Variants in ARFGEF1 observed in about 807,000 individuals in gnomAD.
The protein encoded by ARFGEF1 is ARF guanine nucleotide exchange factor 1, also known as brefeldin A-inhibited guanine nucleotide-exchange protein 1.
ARFGEF1 carries 42 observed loss-of-function variants against 231.0 expected under a neutral mutation model. The observed-to-expected ratio is 0.18, with a 90% CI of 0.14 to 0.24. The LOEUF is 0.24. ARFGEF1 is among the 10% of genes least tolerant of loss of function. ARFGEF1 has a pLI of 1.00. For missense variants in ARFGEF1, 1,345 were observed against 2,192.0 expected (o/e 0.61, Z 7.72); for synonymous variants, 710 against 732.3 (o/e 0.97, Z 0.49).
intron 32 of ARFGEF1, among the ~76,000 whole-genome samples, chr8:67,217,304 C>CAAAAAAA (rs1388888346): frequency 2.3e-4 from 19 of 83,266 alleles, no homozygotes; most frequent in African/African-American, 7.8e-4. Flanking sequence ...AACTCCATCT[C>CAAAAAAA]AAAAAAAAAA....
At chr8:67,252,088 G>A (rs1840303368) in intron 18 of ARFGEF1, among the ~76,000 whole-genome samples, 1 of 152,002 alleles carries the variant, frequency 6.6e-6, no homozygotes, top group African/African-American at 2.4e-5. Flanking sequence ...TGACCAACAT[G>A]GAGAAACCCT....
At chr8:67,235,124 G>A (rs1054523222) in intron 22 of ARFGEF1, among the ~76,000 whole-genome samples, 5 of 148,416 alleles carry the variant, frequency 3.4e-5, no homozygotes, top group African/African-American at 1.2e-4. Flanking sequence ...ACACACACAC[G>A]TGTCAAAATA....
chr8:67,308,572 A>G (rs1806850919), intron 1 of ARFGEF1, among the ~76,000 whole-genome samples: 1 of 152,196 alleles, frequency 6.6e-6, no homozygotes, highest in Non-Finnish European at 1.5e-5. Context: ...ATGGAGGCTG[A>G]ACTTCACCTC....
At chr8:67,256,659 T>C (rs1232398159) in intron 17 of ARFGEF1, among the ~76,000 whole-genome samples, 1 of 152,178 alleles carries the variant, frequency 6.6e-6, no homozygotes, top group Non-Finnish European at 1.5e-5. Flanking sequence ...AATTTATAAA[T>C]GTAATTTTAC....
At chr8:67,299,771 G>C (rs906857403) in intron 3 of ARFGEF1, among the ~76,000 whole-genome samples, 4 of 151,986 alleles carry the variant, frequency 2.6e-5, no homozygotes, top group Non-Finnish European at 5.9e-5. Flanking sequence ...AGGAGTTCGA[G>C]GCCAGCTGGC....
At chr8:67,180,964 T>A (rs1014780220) in intron 5 of ARFGEF1, among the ~76,000 whole-genome samples, 1 of 152,148 alleles carries the variant, frequency 6.6e-6, no homozygotes, top group Non-Finnish European at 1.5e-5. Context: ...TAGTTGTATT[T>A]CAGGCCAATT....
At chr8:67,296,014 C>T (rs1274527441) in intron 5 of ARFGEF1, among the ~76,000 whole-genome samples, 2 of 152,036 alleles carry the variant, frequency 1.3e-5, no homozygotes, top group African/African-American at 2.4e-5. Context: ...AATATCATGC[C>T]CCTTTATCAT....
chr8:67,304,684 C>T (rs577438838), intron 1 of ARFGEF1, among the ~76,000 whole-genome samples: 11 of 152,204 alleles, frequency 7.2e-5, no homozygotes, highest in South Asian at 6.2e-4. Flanking sequence ...CCGGGCATGG[C>T]GGTGCATGCC....
chr8:67,193,434 A>G (rs1836982786), downstream of ARFGEF1: 1 of 1,597,056 alleles, frequency 6.3e-7, no homozygotes, highest in African/African-American at 1.3e-5. Context: ...TGTGTTAATG[A>G]CTTTCTGAAG....
downstream of ARFGEF1, chr8:67,197,509 G>A (rs1838101043): frequency 3.5e-6 from 2 of 571,990 alleles, no homozygotes; most frequent in Non-Finnish European, 4.4e-6. Context: ...GGTAAGTACA[G>A]TGTAAGGAGG....
downstream of ARFGEF1, among the ~76,000 whole-genome samples, chr8:67,197,024 T>C (rs1239843640): frequency 1.3e-5 from 2 of 152,066 alleles, no homozygotes; most frequent in African/African-American, 4.8e-5. Context: ...TTTAATGCCA[T>C]GTACCACACA....
rs1455115002 is a variant in ARFGEF1 at position 67,200,463 on chromosome 8, T to C, written c.5318A>G (p.His1773Arg). 6.2e-7 allele frequency: 1 copy of C among 1,607,098 alleles called. No homozygotes were observed. The highest frequency in any genetic ancestry group is 1.3e-5 in the African/African-American group (1 of 74,762). Residue 1773 changes from histidine (H) to arginine (R), a missense_variant, in exon 38 of 39, where the codon CAT becomes CGT. Physicochemically the swap from His to Arg is conservative, Grantham distance 29. Around this residue, in one of 14 missense-constraint regions of ARFGEF1, gnomAD observed 161 missense variants for 284.9 expected, o/e 0.57. Transcript: ENST00000262215. ...SYFLTLTSESHREAWTNLLLL... is the reference protein window; with the variant it reads ...SYFLTLTSESRREAWTNLLLL... Reference sequence around the variant, plus strand: ...CAGTAAGTTAGTCCAGGCTTCTCGATGACTTTCTGATGTTAGAGTGAGGAA... The same window carrying C: ...CAGTAAGTTAGTCCAGGCTTCTCGACGACTTTCTGATGTTAGAGTGAGGAA...
intron 19 of ARFGEF1, among the ~76,000 whole-genome samples, chr8:67,242,567 T>C (rs1839963578): frequency 1.3e-5 from 2 of 152,196 alleles, no homozygotes; most frequent in African/African-American, 4.8e-5. Context: ...GATAGTACAC[T>C]GTGGGACTCG....
intron 5 of ARFGEF1, among the ~76,000 whole-genome samples, chr8:67,177,101 G>A (rs1831878923): frequency 6.6e-6 from 1 of 150,796 alleles, no homozygotes; most frequent in African/African-American, 2.4e-5. Flanking sequence ...AAAGAATATG[G>A]CCTCACTATA....
At position 67,280,087 on chromosome 8, in the gene ARFGEF1, G is replaced by A. The variant is rs546796233; in HGVS notation, c.1028-2630C>T. Among the ~76,000 whole-genome samples, 22 of 152,280 alleles carry A rather than the reference G, an allele frequency of 1.4e-4. No homozygotes were observed. In the South Asian group the frequency reaches 3.1e-3, roughly 22 times the overall value. On this transcript the variant is annotated intron_variant, in intron 7 of 38. Transcript: ENST00000262215. ...AACTTTGAGGAATCCTAGAAAGTAG[G>A]TTGAAATCAAAGGAAAACCTATTTA... is the stretch of plus-strand genomic sequence containing the variant.
chr8:67,220,966 G>A (rs1250821029), intron 29 of ARFGEF1, among the ~76,000 whole-genome samples: 1 of 149,010 alleles, frequency 6.7e-6, no homozygotes, highest in Non-Finnish European at 1.5e-5. Flanking sequence ...CATGTGCCAC[G>A]TAAGGACATT....
downstream of ARFGEF1, among the ~76,000 whole-genome samples, chr8:67,192,999 G>GA (rs529022169): frequency 1.5e-3 from 223 of 152,262 alleles, no homozygotes; most frequent in African/African-American, 5.1e-3. Flanking sequence ...CCTTATCCTT[G>GA]AGAGTCATCT....
chr8:67,250,221 T>C (rs1840236723), intron 19 of ARFGEF1, among the ~76,000 whole-genome samples: 1 of 152,166 alleles, frequency 6.6e-6, no homozygotes, highest in African/African-American at 2.4e-5. Context: ...TCATTTGGTA[T>C]TTTAAAAAGA....
intron 1 of ARFGEF1, among the ~76,000 whole-genome samples, chr8:67,335,243 C>G (rs1330991596): frequency 6.6e-6 from 1 of 151,022 alleles, no homozygotes; most frequent in Admixed American, 6.6e-5. Flanking sequence ...GTAGCTAGGA[C>G]TACAGGCGCC....
Sources: gnomAD v4.1 joint callset for allele counts (sites outside exome capture counted in the v4.1 genomes callset) on GRCh38, gnomAD v4.1.1 for gene constraint, gnomAD v4.1.1 regional missense constraint, MANE v1.5 for transcripts, NCBI Gene and HGNC (gene_info 2026-07-23, HGNC 2026-07-21) for gene names.